LDB3: variants seen among roughly 807,000 people sequenced by gnomAD.
LDB3 encodes LIM domain binding 3.
Under a neutral mutation model 69.0 loss-of-function variants are expected in LDB3, and 49 were observed. The ratio of observed to expected loss-of-function variants is 0.71; its 90% CI spans 0.56 to 0.90. The LOEUF (loss-of-function observed/expected upper bound fraction) is 0.90, where lower values mean the gene tolerates loss of function less well. Ranked by LOEUF, LDB3 falls within the 40% of genes least tolerant of loss-of-function variation. LDB3 has a pLI of 0.00. For synonymous variants in LDB3, 387 were observed against 396.2 expected (o/e 0.98, Z 0.28); for missense variants, 928 against 974.1 (o/e 0.95, Z 0.63).
chr10:86,706,143 A>C (rs1846432259), intron 7 of LDB3, among the ~76,000 whole-genome samples: 1 of 151,964 alleles, frequency 6.6e-6, no homozygotes, highest in Admixed American at 6.6e-5. Flanking sequence ...ATGCCCCCTG[A>C]CTGAATGGGG....
At chr10:86,672,419 G>A (rs1237984940) in intron 2 of LDB3, among the ~76,000 whole-genome samples, 1 of 152,270 alleles carries the variant, frequency 6.6e-6, no homozygotes, top group Non-Finnish European at 1.5e-5. Context: ...GCTGAGGACA[G>A]AGGGTCTCTG....
chr10:86,680,100 C>T lies in LDB3; in HGVS notation c.264C>T (p.Pro88=). 1.2e-6 allele frequency: 2 copies of T among 1,614,208 alleles called. No homozygotes were observed. Among genetic ancestry groups the T allele is most frequent in the Middle Eastern group, 1.7e-4 (1 of 6,060 alleles). The change falls in exon 4 of 14, where the codon CCC becomes CCT. Residue 88 remains proline (P), a synonymous_variant. Coordinates refer to ENST00000361373, the MANE Select transcript of LDB3 (RefSeq NM_007078.3). The part of the protein sequence containing the change: ...LTLQKSKRPI[P]ISTTAPPVQT... Reference sequence around the variant, plus strand: ...TCTACAGATCAAAGCGTCCCATTCCCATCTCCACGACAGCACCTCCAGTCC... The same window carrying T: ...TCTACAGATCAAAGCGTCCCATTCCTATCTCCACGACAGCACCTCCAGTCC...
chr10:86,692,561 C>T lies in LDB3; in HGVS notation c.886C>T (p.Arg296Ter), dbSNP rs1060501316. ...GCAAGACCCTGATGAAGAAGCTCTG[C>T]GAAGGTCAAGGTAAGTGCCTGGACT... is the stretch of plus-strand genomic sequence containing the variant. ...FMQDPDEEAL[R>*]RSSTPIEHAP... Residue 296 changes from arginine (R) to a stop codon, truncating the protein, a stop_gained, in exon 7 of 14, where the codon CGA becomes TGA. Coordinates refer to ENST00000361373, the MANE Select transcript of LDB3 (RefSeq NM_007078.3). LOFTEE classifies it high-confidence loss of function. 10 of 1,614,066 alleles carry T rather than the reference C, an allele frequency of 6.2e-6. No homozygotes were observed. Among genetic ancestry groups the T allele is most frequent in the African/African-American group, 1.3e-5 (1 of 74,934 alleles).
At chr10:86,726,331 C>T in intron 13 of LDB3, 79 bp downstream of exon 13, 2 of 1,037,972 alleles carry the variant, frequency 1.9e-6, no homozygotes, top group Non-Finnish European at 3.0e-6. Flanking sequence ...CCAACCTCTA[C>T]ATACCTTGCC....
chr10:86,726,568 G>A (rs527969125), intron 13 of LDB3: 7 of 412,594 alleles, frequency 1.7e-5, no homozygotes, highest in African/African-American at 1.4e-4. Context: ...GATGATGCTT[G>A]GCTTTGAGAG....
intron 13 of LDB3, among the ~76,000 whole-genome samples, chr10:86,726,660 C>G (rs760769088): frequency 5.9e-5 from 9 of 152,102 alleles, no homozygotes; most frequent in Non-Finnish European, 7.4e-5. Flanking sequence ...ATTGTTACCC[C>G]AAACACTAGA....
At chr10:86,691,683 C>T (rs1214451694) in intron 5 of LDB3, among the ~76,000 whole-genome samples, 2 of 152,236 alleles carry the variant, frequency 1.3e-5, no homozygotes, top group Non-Finnish European at 2.9e-5. Context: ...CCTCCTGTCT[C>T]TCATGAGGGA....
At chr10:86,721,589 C>T (rs943552549) in intron 12 of LDB3, among the ~76,000 whole-genome samples, 2 of 152,192 alleles carry the variant, frequency 1.3e-5, no homozygotes, top group African/African-American at 4.8e-5. Flanking sequence ...AGCAGCATTT[C>T]GTAGGGTGCC....
rs1589638119 is a variant in LDB3, at chr10:86,688,857, T to C, written c.690-3039T>C. Among the ~76,000 whole-genome samples the C allele has an allele frequency of 2.0e-5, 3 of 152,244 alleles. No homozygotes were observed. The South Asian group carries it at 6.2e-4, about 32-fold the overall frequency. On this transcript the variant is annotated intron_variant, in intron 5 of 13. Coordinates refer to ENST00000361373, the MANE Select transcript of LDB3 (RefSeq NM_007078.3). The stretch of plus-strand genomic sequence containing the variant: ...GACTGCTATCATTTGGTCTCACCAC[T>C]AGGGCACCCATCAGTTTTGGAATTG...
At chr10:86,701,519 C>T (rs1846262205) in intron 7 of LDB3, among the ~76,000 whole-genome samples, 1 of 152,204 alleles carries the variant, frequency 6.6e-6, no homozygotes, top group Non-Finnish European at 1.5e-5. Flanking sequence ...TCTCATTCAG[C>T]ATCCGGTGTC....
chr10:86,688,355 T>C (rs769117551), intron 5 of LDB3, among the ~76,000 whole-genome samples: 45 of 152,162 alleles, frequency 3.0e-4, no homozygotes, highest in Non-Finnish European at 5.4e-4. Context: ...ACCCCAGCCC[T>C]TGTGGCCATG....
chr10:86,732,303 G>A (rs1847496217), intron 13 of LDB3, among the ~76,000 whole-genome samples: 1 of 151,766 alleles, frequency 6.6e-6, no homozygotes, highest in East Asian at 1.9e-4. Context: ...ATTTTAGATA[G>A]CATGAATTGG....
In LDB3 at chr10:86,679,417, C is replaced by G. The variant is rs397517213; in HGVS notation, c.144C>G (p.Leu48=). The change falls in exon 3 of 14, where the codon CTC becomes CTG. Residue 48 remains leucine, a synonymous_variant. Transcript: ENST00000361373. ...AGTCCCAGCTCAGCCAGGGTGACCT[C>G]GTGGTGGCCATTGACGGCGTCAACA... ...AAQSQLSQGD[L]VVAIDGVNTD... 1.9e-6 allele frequency: 3 copies of G among 1,614,052 alleles called. No homozygotes were observed. Among genetic ancestry groups the G allele is most frequent in the Non-Finnish European group, 2.5e-6 (3 of 1,180,046 alleles).
At chr10:86,728,586 G>GTTTTTTTTT (rs201899694) in intron 13 of LDB3, among the ~76,000 whole-genome samples, 1 of 131,456 alleles carries the variant, frequency 7.6e-6, no homozygotes, top group Non-Finnish European at 1.6e-5. Context: ...TGGTTCTTTT[G>GTTTTTTTTT]TTTTTTTTTT....
At chr10:86,723,500 G>A (rs892581289) in intron 12 of LDB3, among the ~76,000 whole-genome samples, 1 of 152,114 alleles carries the variant, frequency 6.6e-6, no homozygotes, top group Non-Finnish European at 1.5e-5. Context: ...GGCCTGGTTT[G>A]CACAGAGGCA....
At position 86,679,453 on chromosome 10, in the gene LDB3, GA is replaced by G; in HGVS notation, c.181del (p.Thr61ProfsTer16). The stretch of plus-strand genomic sequence containing the variant: ...TTGACGGCGTCAACACAGACACCAT[GA>G]CCCACCTGGAAGCCCAGAACAAGAT... ...AIDGVNTDTM[T>X]HLEAQNKIKS... On this transcript the variant is annotated frameshift_variant, in exon 3 of 14. Transcript: ENST00000361373. LOFTEE classifies it high-confidence loss of function. 1 of 1,614,126 alleles carries G rather than the reference GA, an allele frequency of 6.2e-7. No individual in the cohort carries two copies. Among genetic ancestry groups the G allele is most frequent in the Non-Finnish European group, 8.5e-7 (1 of 1,180,032 alleles).
intron 5 of LDB3, among the ~76,000 whole-genome samples, chr10:86,688,001 C>T (rs1281770330): frequency 6.6e-6 from 1 of 152,016 alleles, no homozygotes; most frequent in Non-Finnish European, 1.5e-5. Flanking sequence ...ATGTCTCTTT[C>T]TGTCTTCCTC....
At chr10:86,716,220 C>T in intron 9 of LDB3, 107 bp from the exon 10 acceptor site, 1 of 1,307,458 alleles carries the variant, frequency 7.6e-7, no homozygotes. Context: ...AATTGTACTG[C>T]TCTAATGTTA....
intron 12 of LDB3, among the ~76,000 whole-genome samples, chr10:86,724,663 A>G (rs930582172): frequency 3.9e-5 from 6 of 152,064 alleles, no homozygotes; most frequent in Non-Finnish European, 8.8e-5. Flanking sequence ...ATAAATAAAT[A>G]GGGAATATTA....
Sources: allele counts gnomAD v4.1 joint callset (sites outside exome capture counted in the v4.1 genomes callset), GRCh38; gene constraint gnomAD v4.1.1; transcripts MANE v1.5; gene names NCBI Gene and HGNC (gene_info 2026-07-23, HGNC 2026-07-21).